Variants in MAP7 observed in about 807,000 individuals in gnomAD.
MAP7 encodes the protein microtubule associated protein 7.
Under a neutral mutation model 94.8 loss-of-function variants are expected in MAP7, and 52 were observed. The observed-to-expected ratio is 0.55, with a 90% CI of 0.44 to 0.69. The LOEUF (loss-of-function observed/expected upper bound fraction) is 0.69, where lower values mean the gene tolerates loss of function less well. Among genes scored for constraint, MAP7 ranks in the 30% least tolerant of loss-of-function variants. The probability of loss-of-function intolerance (pLI) is 0.00; values close to 1 mark genes in which losing one functional copy is unlikely to be tolerated. For synonymous variants in MAP7, 350 were observed against 357.0 expected (o/e 0.98, Z 0.22); for missense variants, 940 against 964.6 (o/e 0.97, Z 0.34).
chr6:136,540,485 G>A (rs1308201577), intron 1 of MAP7, among the ~76,000 whole-genome samples: 1 of 152,170 alleles, frequency 6.6e-6, no homozygotes, highest in Non-Finnish European at 1.5e-5. Context: ...ATACAGAAAT[G>A]TGCGTACATG....
intron 7 of MAP7, 34 bp downstream of exon 7, chr6:136,377,721 C>A: frequency 2.0e-6 from 3 of 1,510,880 alleles, no homozygotes; most frequent in Non-Finnish European, 2.8e-6. Context: ...GAGGACTTGA[C>A]CTCATGGGGA....
intron 1 of MAP7, among the ~76,000 whole-genome samples, chr6:136,475,184 C>T (rs533367357): frequency 1.1e-4 from 16 of 152,224 alleles, no homozygotes; most frequent in African/African-American, 3.1e-4. Context: ...ATTAGTAGGT[C>T]AAAAGTAGGA....
intron 1 of MAP7, among the ~76,000 whole-genome samples, chr6:136,431,391 A>C (rs944001518): frequency 4.6e-5 from 7 of 152,238 alleles, no homozygotes; most frequent in Admixed American, 1.3e-4. Context: ...TACTTGATGT[A>C]ACATTTCTCT....
chr6:136,459,264 T>C (rs564136180), intron 1 of MAP7, among the ~76,000 whole-genome samples: 32 of 152,210 alleles, frequency 2.1e-4, no homozygotes, highest in African/African-American at 7.0e-4. Flanking sequence ...ATGGCCAGTG[T>C]TGGTGAGGAT....
intron 1 of MAP7, among the ~76,000 whole-genome samples, chr6:136,546,254 C>T (rs950276784): frequency 6.6e-6 from 1 of 151,704 alleles, no homozygotes; most frequent in African/African-American, 2.4e-5. Flanking sequence ...CTCATGTGAT[C>T]TGCCTGCTTC....
intron 8 of MAP7, among the ~76,000 whole-genome samples, chr6:136,369,570 C>CA (rs55957965): frequency 0.74 from 107,242 of 145,796 alleles, 39,645 homozygotes; most frequent in Middle Eastern, 0.84. Context: ...GAGACTGTCT[C>CA]AAAAAAAAAA....
In MAP7 at chr6:136,381,877, TACACACACACACACAC is replaced by T. The variant is rs1156527948; in HGVS notation, c.637+1778_637+1793del. 7.5e-5 allele frequency among the ~76,000 whole-genome samples: 7 copies of T among 93,044 alleles called. No homozygotes were observed. The South Asian group carries it at 1.3e-3, about 18-fold the overall frequency. 61.0% of individuals were successfully genotyped at this position (93,044 alleles called of 152,430 possible). On this transcript the variant is annotated intron_variant, in intron 6 of 17. Transcript: ENST00000354570. ...CTCTACTCCTTACCACTTCTAACCT[TACACACACACACACAC>T]ACACACACACACACACACACACACA...
intron 3 of MAP7, among the ~76,000 whole-genome samples, chr6:136,407,430 C>G (rs983766342): frequency 2.0e-5 from 3 of 152,122 alleles, no homozygotes; most frequent in African/African-American, 7.2e-5. Context: ...TTCTAGGAAG[C>G]CTTTAAAACA....
chr6:136,349,985 G>A (rs1270608515), intron 16 of MAP7, among the ~76,000 whole-genome samples: 1 of 152,078 alleles, frequency 6.6e-6, no homozygotes, highest in Non-Finnish European at 1.5e-5. Flanking sequence ...AGGTGGGGAG[G>A]AGCAAATGTA....
intron 1 of MAP7, among the ~76,000 whole-genome samples, chr6:136,503,585 G>A (rs1157902172): frequency 6.6e-6 from 1 of 152,148 alleles, no homozygotes; most frequent in East Asian, 1.9e-4. Context: ...TACTGATGCA[G>A]CAATTTCTCT....
rs189850962 is a variant in MAP7, at chr6:136,348,140, T to G, written c.2016-2061A>C. On this transcript the variant is annotated intron_variant, in intron 16 of 17. Transcript: ENST00000354570. ...CTTTCTGTAACTAGGGAAACAATTT[T>G]GGTTCTTAATACAGAGAGAATTTAA... Among the ~76,000 whole-genome samples the G allele has an allele frequency of 3.8e-3, 573 of 152,212 alleles. 7 individuals are homozygous for G. Among genetic ancestry groups the G allele is most frequent in the African/African-American group, 0.013 (547 of 41,534 alleles).
chr6:136,445,563 T>C (rs1267586054), intron 1 of MAP7, among the ~76,000 whole-genome samples: 1 of 152,242 alleles, frequency 6.6e-6, no homozygotes, highest in Non-Finnish European at 1.5e-5. Context: ...ATCTATCTTG[T>C]GTTAATTTGA....
intron 2 of MAP7, 81 bp downstream of exon 2, chr6:136,421,615 CAAATT>C: frequency 7.6e-7 from 1 of 1,309,818 alleles, no homozygotes; most frequent in Non-Finnish European, 1.1e-6. Flanking sequence ...AGAATTTAAA[CAAATT>C]AAACCTTTAT....
chr6:136,518,872 G>T (rs1234926758), intron 1 of MAP7, among the ~76,000 whole-genome samples: 1 of 152,148 alleles, frequency 6.6e-6, no homozygotes, highest in Non-Finnish European at 1.5e-5. Flanking sequence ...TGGTTCCTAT[G>T]ATTGGAGGAG....
At chr6:136,516,284 C>G (rs535887259) in intron 1 of MAP7, among the ~76,000 whole-genome samples, 1 of 152,198 alleles carries the variant, frequency 6.6e-6, no homozygotes, top group East Asian at 1.9e-4. Context: ...ACCTCAGCCT[C>G]CGGAGTAGCT....
At chr6:136,426,316 C>T (rs1347605605) in intron 1 of MAP7, among the ~76,000 whole-genome samples, 1 of 152,160 alleles carries the variant, frequency 6.6e-6, no homozygotes, top group Non-Finnish European at 1.5e-5. Flanking sequence ...ATTTTTTCAA[C>T]ATTTACAATA....
chr6:136,512,678 T>A (rs1215165188), intron 1 of MAP7, among the ~76,000 whole-genome samples: 4 of 152,200 alleles, frequency 2.6e-5, no homozygotes, highest in Non-Finnish European at 4.4e-5. Flanking sequence ...CATAACTTCA[T>A]TAAAAACTAC....
chr6:136,347,021 G>A (rs903595788), intron 16 of MAP7, among the ~76,000 whole-genome samples: 2 of 152,078 alleles, frequency 1.3e-5, no homozygotes, highest in African/African-American at 4.8e-5. Flanking sequence ...ATGAATTCAT[G>A]CTTAATATCT....
intron 1 of MAP7, among the ~76,000 whole-genome samples, chr6:136,469,959 T>C (rs1808421125): frequency 6.6e-6 from 1 of 152,140 alleles, no homozygotes; most frequent in South Asian, 2.1e-4. Context: ...TGTGCATGGA[T>C]TCATTTCCTG....
Sources: allele counts gnomAD v4.1 joint callset (sites outside exome capture counted in the v4.1 genomes callset), GRCh38; gene constraint gnomAD v4.1.1; transcripts MANE v1.5; gene names NCBI Gene and HGNC (gene_info 2026-07-23, HGNC 2026-07-21).